The following PCDHA2 variants were observed in gnomAD, a reference collection of about 807,000 sequenced individuals.
PCDHA2 encodes the protein protocadherin alpha 2.
In PCDHA2, 58 loss-of-function variants were observed where a neutral mutation model predicts 66.0. The ratio of observed to expected loss-of-function variants is 0.88; its 90% CI spans 0.71 to 1.09. The LOEUF is 1.09. Among genes scored for constraint, PCDHA2 ranks in the 50% least tolerant of loss-of-function variants. PCDHA2 has a pLI of 0.00. For missense variants in PCDHA2, 1,267 were observed against 1,242.3 expected, an observed-to-expected ratio of 1.02 and a Z score of -0.30; for synonymous variants, 634 against 554.0, an observed-to-expected ratio of 1.14 and a Z score of -2.03.
chr5:140,830,936 TTTA>T (rs1554133060), intron 1 of PCDHA2: 4 of 152,346 alleles, frequency 2.6e-5, no homozygotes. Flanking sequence ...TGTCGACACT[TTTA>T]TTAAGCTAAC....
intron 1 of PCDHA2, among the ~76,000 whole-genome samples, chr5:140,975,398 TCA>T (rs1554236785): frequency 1.3e-4 from 20 of 152,270 alleles, no homozygotes. Flanking sequence ...TCCATCACAA[TCA>T]CAGTCTTGGA....
At chr5:140,834,968 A>G in intron 1 of PCDHA2, 1 of 1,508,962 alleles carries the variant, frequency 6.6e-7, no homozygotes, top group Non-Finnish European at 9.0e-7. Flanking sequence ...TTGGACTTGT[A>G]TTACGGAAAC....
In PCDHA2 at chr5:140,836,932, C is replaced by A. The variant is rs1774821723; in HGVS notation, c.2388+39580C>A. ...CACTTTTGTTTTGGGATGCGTAATA[C>A]TATAGATCAAAATCTATGGTTTATG... On this transcript the variant is annotated intron_variant, in intron 1 of 3. Coordinates refer to ENST00000526136, the MANE Select transcript of PCDHA2 (RefSeq NM_018905.3). The A allele has an allele frequency of 8.2e-6, 4 of 485,222 alleles. No homozygotes were observed. In the East Asian group the frequency reaches 1.4e-4, roughly 17 times the overall value. 30.1% of individuals were successfully genotyped at this position (485,222 alleles called of 1,614,324 possible). A position where few individuals can be genotyped will look rare whatever the true frequency, so the allele number is the denominator to read the frequency against.
At chr5:141,007,476 G>A (rs1412241964) in intron 3 of PCDHA2, among the ~76,000 whole-genome samples, 1 of 151,712 alleles carries the variant, frequency 6.6e-6, no homozygotes, top group Non-Finnish European at 1.5e-5. Context: ...GCTGAGGCAC[G>A]AGAATTACTT....
intron 1 of PCDHA2, chr5:140,852,664 G>A (rs1307508258): frequency 4.1e-6 from 4 of 964,750 alleles, no homozygotes; most frequent in African/African-American, 1.8e-5. Flanking sequence ...CTGTCTATCA[G>A]CACAACTCAC....
intron 1 of PCDHA2, among the ~76,000 whole-genome samples, chr5:140,913,922 A>G (rs2076507888): frequency 6.6e-6 from 1 of 151,936 alleles, no homozygotes; most frequent in South Asian, 2.1e-4. Context: ...ATTTTACTTC[A>G]TTGTGGTCAG....
At position 140,842,609 on chromosome 5, in the gene PCDHA2, G is replaced by C. The variant is rs534936483; in HGVS notation, c.2388+45257G>C. The stretch of plus-strand genomic sequence containing the variant: ...TGAGTTGGTGGTAACCGCGCGGGAC[G>C]GGGGCTCGCCTTCGCTGTGGGCCAC... On this transcript the variant is annotated intron_variant, in intron 1 of 3. Coordinates refer to ENST00000526136, the MANE Select transcript of PCDHA2 (RefSeq NM_018905.3). 11 of 1,595,750 alleles carry C rather than the reference G, an allele frequency of 6.9e-6. 2 individuals are homozygous for C. Among genetic ancestry groups the C allele is most frequent in the Non-Finnish European group, 7.7e-6 (9 of 1,165,644 alleles).
At chr5:140,855,994 G>T in intron 1 of PCDHA2, 2 of 1,498,182 alleles carry the variant, frequency 1.3e-6, no homozygotes, top group South Asian at 1.3e-5. Flanking sequence ...ATGTCAGATC[G>T]TATGTGCGTT....
At chr5:140,870,477 G>A (rs781992966) in intron 1 of PCDHA2, 2 of 1,614,238 alleles carry the variant, frequency 1.2e-6, no homozygotes, top group East Asian at 2.2e-5. Flanking sequence ...CACAGCCCGA[G>A]TACACCGTGT....
Position 140,828,833 on chromosome 5 carries a change from G to C in PCDHA2, c.2388+31481G>C, listed in dbSNP as rs149898673. The C allele has an allele frequency of 2.4e-5, 39 of 1,614,188 alleles. No homozygotes were observed. In the African/African-American group the frequency reaches 3.6e-4, roughly 15 times the overall value. On this transcript the variant is annotated intron_variant, in intron 1 of 3. Coordinates refer to ENST00000526136, the MANE Select transcript of PCDHA2 (RefSeq NM_018905.3). ...TCCCACTTTCGAACAGTCTGAATAC[G>C]AAGTAAGAATATTCGAAAATGCAGA...
intron 3 of PCDHA2, chr5:140,989,066 C>T (rs2097328502): frequency 6.6e-6 from 1 of 152,200 alleles, no homozygotes; most frequent in South Asian, 2.1e-4. Flanking sequence ...TGAGGCAATA[C>T]AGTCTGGCCT....
At chr5:140,854,583 A>T (rs1554147343) in intron 1 of PCDHA2, 1 of 149,916 alleles carries the variant, frequency 6.7e-6, no homozygotes, top group African/African-American at 2.4e-5. Flanking sequence ...AGATTTTAAT[A>T]AAAAAAGTTT....
intron 1 of PCDHA2, among the ~76,000 whole-genome samples, chr5:140,953,877 ACCCATCAC>A (rs1252251050): frequency 6.6e-6 from 1 of 152,098 alleles, no homozygotes; most frequent in Non-Finnish European, 1.5e-5. Context: ...GCACAGATCA[ACCCATCAC>A]CTAGGTATTA....
intron 1 of PCDHA2, chr5:140,803,445 T>A (rs1554122826): frequency 1.2e-6 from 2 of 1,613,976 alleles, no homozygotes; most frequent in Admixed American, 3.3e-5. Flanking sequence ...GAGCTGGTCA[T>A]ACTCGCAGCA....
intron 1 of PCDHA2, chr5:140,869,945 T>TC: frequency 6.2e-7 from 1 of 1,612,376 alleles, no homozygotes. Context: ...ACATACTCCT[T>TC]AATGTCAATT....
rs1340141507 is a variant in PCDHA2, at chr5:140,939,833, CTTG to C, written c.2389-39108_2389-39106del. 2.6e-5 allele frequency among the ~76,000 whole-genome samples: 4 copies of C among 152,224 alleles called. No individual in the cohort carries two copies. The East Asian group carries it at 7.7e-4, about 29-fold the overall frequency. ...AAGAAAAAGCAGTATTCTGACATTG[CTTG>C]TTGTTGTGTTCTGTATATGTCCATT... On this transcript the variant is annotated intron_variant, in intron 1 of 3. Transcript: ENST00000526136.
At chr5:140,928,603 C>T in intron 1 of PCDHA2, 2 of 1,614,208 alleles carry the variant, frequency 1.2e-6, no homozygotes, top group Admixed American at 3.3e-5. Context: ...GGAAATTGTG[C>T]CCCGCTCTGC....
At chr5:140,828,561 C>G (rs2150156811) in intron 1 of PCDHA2, 1 of 1,614,178 alleles carries the variant, frequency 6.2e-7, no homozygotes, top group Admixed American at 1.7e-5. Flanking sequence ...CTGGAGGGCG[C>G]GTCCGATGCA....
chr5:140,821,991 C>T lies in PCDHA2; in HGVS notation c.2388+24639C>T, dbSNP rs2150112767. On this transcript the variant is annotated intron_variant, in intron 1 of 3. Coordinates refer to ENST00000526136, the MANE Select transcript of PCDHA2 (RefSeq NM_018905.3). ...GGGTGGCGTCCAAGGGCCGCGGGGA[C>T]CTTCTGGAGGTAAATCTGCAGAATG... 1.9e-6 allele frequency: 3 copies of T among 1,614,126 alleles called. No individual in the cohort carries two copies. The South Asian group carries it at 3.3e-5, about 18-fold the overall frequency.
Sources: allele counts gnomAD v4.1 joint callset (sites outside exome capture counted in the v4.1 genomes callset), GRCh38; gene constraint gnomAD v4.1.1; transcripts MANE v1.5; gene names NCBI Gene and HGNC (gene_info 2026-07-23, HGNC 2026-07-21).